Variants in RAB31 observed in about 807,000 individuals in gnomAD.
RAB31 encodes RAB31, member RAS oncogene family.
Under a neutral mutation model 25.6 loss-of-function variants are expected in RAB31, and 21 were observed. The ratio of observed to expected loss-of-function variants is 0.82; its 90% CI spans 0.58 to 1.18. The LOEUF (loss-of-function observed/expected upper bound fraction) is 1.18. RAB31 is among the 50% of genes most tolerant of loss of function. RAB31 has a pLI of 0.00. For synonymous variants in RAB31, 87 were observed against 84.0 expected (o/e 1.04, Z -0.20); for missense variants, 196 against 250.1 (o/e 0.78, Z 1.46).
At chr18:9,711,834 T>C (rs995975216) in intron 1 of RAB31, among the ~76,000 whole-genome samples, 1 of 152,244 alleles carries the variant, frequency 6.6e-6, no homozygotes, top group Non-Finnish European at 1.5e-5. Context: ...TAACAAAATA[T>C]CACTCTCACT....
chr18:9,844,855 T>A (rs1202347237), intron 5 of RAB31: 4 of 150,966 alleles, frequency 2.6e-5, no homozygotes, highest in African/African-American at 9.8e-5. Context: ...TTTGTTTTGT[T>A]TTGTTTTGTT....
At chr18:9,722,072 A>T (rs2068076178) in intron 1 of RAB31, among the ~76,000 whole-genome samples, 2 of 152,026 alleles carry the variant, frequency 1.3e-5, no homozygotes, top group South Asian at 2.1e-4. Context: ...CTGGGGCAGG[A>T]AAGAGAAGGG....
At chr18:9,744,116 C>G (rs2068193543) in intron 1 of RAB31, among the ~76,000 whole-genome samples, 1 of 152,052 alleles carries the variant, frequency 6.6e-6, no homozygotes, top group African/African-American at 2.4e-5. Flanking sequence ...TTTTATTTTC[C>G]ATGTCATAGT....
At chr18:9,738,497 A>C (rs1168809201) in intron 1 of RAB31, among the ~76,000 whole-genome samples, 1 of 152,142 alleles carries the variant, frequency 6.6e-6, no homozygotes, top group Admixed American at 6.5e-5. Flanking sequence ...GTTTCCATAA[A>C]AACCCAAAAG....
At chr18:9,847,557 G>A (rs1332272533) in intron 6 of RAB31, among the ~76,000 whole-genome samples, 1 of 152,158 alleles carries the variant, frequency 6.6e-6, no homozygotes. Flanking sequence ...AGCCTGAGTA[G>A]GAAGTACTGT....
chr18:9,777,870 T>C (rs531442224), intron 2 of RAB31, among the ~76,000 whole-genome samples: 71 of 150,832 alleles, frequency 4.7e-4, no homozygotes, highest in East Asian at 4.5e-3. Flanking sequence ...TTCTCCTGCC[T>C]CAGCCTCCTG....
intron 1 of RAB31, among the ~76,000 whole-genome samples, chr18:9,741,560 A>T (rs1168992847): frequency 1.3e-5 from 2 of 152,086 alleles, no homozygotes; most frequent in African/African-American, 4.8e-5. Context: ...CCATCTGTCC[A>T]GTGGGAAGTC....
intron 5 of RAB31, among the ~76,000 whole-genome samples, chr18:9,845,355 G>A (rs1193818227): frequency 1.3e-5 from 2 of 152,126 alleles, no homozygotes; most frequent in African/African-American, 4.8e-5. Flanking sequence ...GTGGGAGCAG[G>A]AACACTATTT....
At chr18:9,777,069 C>T (rs1441601247) in intron 2 of RAB31, among the ~76,000 whole-genome samples, 7 of 152,160 alleles carry the variant, frequency 4.6e-5, no homozygotes, top group Admixed American at 3.9e-4. Flanking sequence ...CCACCGGAAG[C>T]GGTGGTTCAC....
chr18:9,757,302 G>A (rs1158220837), intron 1 of RAB31, among the ~76,000 whole-genome samples: 2 of 152,166 alleles, frequency 1.3e-5, no homozygotes, highest in South Asian at 2.1e-4. Context: ...CAGGGAAGCC[G>A]GCCTGCAGTG....
chr18:9,833,614 G>A (rs145187082), intron 5 of RAB31, among the ~76,000 whole-genome samples: 2 of 152,270 alleles, frequency 1.3e-5, no homozygotes, highest in African/African-American at 4.8e-5. Context: ...CTATTTTTCA[G>A]ATAAAGATTG....
chr18:9,756,589 T>C (rs1455824119), intron 1 of RAB31, among the ~76,000 whole-genome samples: 3 of 152,212 alleles, frequency 2.0e-5, no homozygotes, highest in Admixed American at 6.5e-5. Context: ...AAATTTATTA[T>C]GGTTGGGATT....
rs549250120 is a variant in RAB31 at position 9,860,235 on chromosome 18, A to G, written c.*910A>G. On this transcript the variant is annotated 3_prime_UTR_variant, in exon 7 of 7. Transcript: ENST00000578921. ...GGGGAAGAGAATTAACTAGAATTAA[A>G]TTTAATGTTTGAATCTAAATCATTG... 2.6e-5 allele frequency: 4 copies of G among 152,338 alleles called. No individual in the cohort carries two copies. In the South Asian group the frequency reaches 6.2e-4, roughly 24 times the overall value. 9.4% of individuals were successfully genotyped at this position (152,338 alleles called of 1,614,324 possible).
chr18:9,711,369 T>G (rs561798634), intron 1 of RAB31, among the ~76,000 whole-genome samples: 45 of 152,112 alleles, frequency 3.0e-4, no homozygotes, highest in African/African-American at 1.0e-3. Context: ...AAAAGTCCTT[T>G]AAAAAATATA....
At chr18:9,793,274 C>T (rs1231359874) in intron 3 of RAB31, among the ~76,000 whole-genome samples, 1 of 151,854 alleles carries the variant, frequency 6.6e-6, no homozygotes, top group Non-Finnish European at 1.5e-5. Context: ...CCTGGGGTCT[C>T]GCTATGTTGC....
At chr18:9,796,352 C>G (rs1374723422) in intron 3 of RAB31, among the ~76,000 whole-genome samples, 1 of 152,018 alleles carries the variant, frequency 6.6e-6, no homozygotes, top group Non-Finnish European at 1.5e-5. Context: ...TAAGCAAACA[C>G]CACCCATTCC....
At chr18:9,743,380 A>G (rs1359973093) in intron 1 of RAB31, among the ~76,000 whole-genome samples, 2 of 152,236 alleles carry the variant, frequency 1.3e-5, no homozygotes, top group Non-Finnish European at 2.9e-5. Flanking sequence ...AAAATAAAGT[A>G]TTGCCTTAAT....
intron 6 of RAB31, among the ~76,000 whole-genome samples, chr18:9,858,824 C>T (rs2068832074): frequency 6.6e-6 from 1 of 152,162 alleles, no homozygotes; most frequent in Non-Finnish European, 1.5e-5. Context: ...CTCACTGTTA[C>T]TGTTGAAGTC....
intron 6 of RAB31, among the ~76,000 whole-genome samples, chr18:9,850,322 G>A (rs946353026): frequency 3.9e-5 from 6 of 152,116 alleles, no homozygotes; most frequent in East Asian, 1.9e-4. Flanking sequence ...ATGAGGTCTC[G>A]CTGTATTGTC....
Sources: gnomAD v4.1 joint callset for allele counts (sites outside exome capture counted in the v4.1 genomes callset) on GRCh38, gnomAD v4.1.1 for gene constraint, MANE v1.5 for transcripts, NCBI Gene and HGNC (gene_info 2026-07-23, HGNC 2026-07-21) for gene names.